The following GPC5 variants were observed in gnomAD, a reference collection of about 807,000 sequenced individuals.
GPC5 encodes the protein glypican 5.
GPC5 carries 47 observed loss-of-function variants against 53.9 expected under a neutral mutation model. The ratio of observed to expected loss-of-function variants is 0.87; its 90% CI spans 0.69 to 1.11. The LOEUF is 1.11. Ranked by LOEUF, GPC5 falls within the 50% of genes most tolerant of loss-of-function variation. The pLI, the probability that GPC5 is intolerant of heterozygous loss-of-function variation, is 0.00. For synonymous variants in GPC5, 286 were observed against 263.3 expected (o/e 1.09, Z -0.84); for missense variants, 748 against 713.1 (o/e 1.05, Z -0.56).
chr13:92,294,464 T>C lies in GPC5; in HGVS notation c.1561+149475T>C, dbSNP rs182842644. ...TTTCCAGGAATTTATCCATCTCTTC[T>C]AGGTTTTCTAGTTTATGCATGTAAA... On this transcript the variant is annotated intron_variant, in intron 7 of 7. Transcript: ENST00000377067. Among the ~76,000 whole-genome samples the C allele has an allele frequency of 1.3e-5, 2 of 152,338 alleles. 1 individual carries two copies. Among genetic ancestry groups the C allele is most frequent in the Admixed American group, 1.3e-4 (2 of 15,310 alleles).
At chr13:92,541,673 G>A (rs139797580) in intron 7 of GPC5, among the ~76,000 whole-genome samples, 269 of 151,724 alleles carry the variant, frequency 1.8e-3, no homozygotes, top group African/African-American at 6.3e-3. Context: ...AGTGTTTTTG[G>A]AGAATGTTCA....
intron 6 of GPC5, among the ~76,000 whole-genome samples, chr13:91,975,712 G>T (rs917074442): frequency 6.6e-6 from 1 of 152,140 alleles, no homozygotes; most frequent in Non-Finnish European, 1.5e-5. Flanking sequence ...AGTCAGTGTG[G>T]CGATTCCTCA....
chr13:91,877,112 C>T (rs1401534359), intron 5 of GPC5, among the ~76,000 whole-genome samples: 1 of 152,234 alleles, frequency 6.6e-6, no homozygotes, highest in African/African-American at 2.4e-5. Context: ...TGTTTGGAAA[C>T]TCCTGGATGC....
chr13:91,571,662 T>C (rs552607920), intron 2 of GPC5, among the ~76,000 whole-genome samples: 1 of 151,114 alleles, frequency 6.6e-6, no homozygotes, highest in East Asian at 2.0e-4. Flanking sequence ...GAGGTGGAAA[T>C]TGCAGTGAGC....
chr13:92,355,839 T>C (rs750416267), intron 7 of GPC5, among the ~76,000 whole-genome samples: 43 of 151,860 alleles, frequency 2.8e-4, no homozygotes, highest in Middle Eastern at 6.9e-3. Context: ...TCAATGAAAC[T>C]ATTATTTGAT....
chr13:91,633,920 G>GA (rs554400398), intron 2 of GPC5, among the ~76,000 whole-genome samples: 44 of 152,060 alleles, frequency 2.9e-4, no homozygotes, highest in African/African-American at 9.6e-4. Flanking sequence ...CTCATACTTA[G>GA]AGTAAATTAG....
chr13:91,886,080 A>G (rs1019701025), intron 5 of GPC5, among the ~76,000 whole-genome samples: 8 of 152,136 alleles, frequency 5.3e-5, no homozygotes, highest in Non-Finnish European at 8.8e-5. Context: ...ATAAAGAAAT[A>G]CCTGGGACTG....
intron 1 of GPC5, among the ~76,000 whole-genome samples, chr13:91,417,672 G>A (rs986598961): frequency 4.6e-5 from 7 of 152,178 alleles, no homozygotes; most frequent in Non-Finnish European, 7.3e-5. Context: ...TGTGCATCCA[G>A]TTAGCTGTCC....
At chr13:92,452,231 G>C (rs1013483672) in intron 7 of GPC5, among the ~76,000 whole-genome samples, 5 of 152,128 alleles carry the variant, frequency 3.3e-5, no homozygotes, top group Admixed American at 1.3e-4. Flanking sequence ...ATATGAAAGA[G>C]ACTGTGAACT....
chr13:92,322,636 A>G (rs137960663), intron 7 of GPC5, among the ~76,000 whole-genome samples: 1 of 152,162 alleles, frequency 6.6e-6, no homozygotes, highest in Non-Finnish European at 1.5e-5. Flanking sequence ...AATACTTATA[A>G]ATTTATTAAC....
At chr13:91,754,582 C>CTGAT (rs1335695333) in intron 4 of GPC5, among the ~76,000 whole-genome samples, 1 of 152,048 alleles carries the variant, frequency 6.6e-6, no homozygotes, top group East Asian at 1.9e-4. Flanking sequence ...CTAGAAGACT[C>CTGAT]TGATTCCGAA....
chr13:92,683,539 A>G (rs933966556), intron 7 of GPC5, among the ~76,000 whole-genome samples: 4 of 152,210 alleles, frequency 2.6e-5, no homozygotes, highest in Non-Finnish European at 5.9e-5. Context: ...GGACATCAGA[A>G]CTGATGAGGA....
At chr13:92,263,017 T>C (rs1348983055) in intron 7 of GPC5, among the ~76,000 whole-genome samples, 2 of 152,168 alleles carry the variant, frequency 1.3e-5, no homozygotes, top group East Asian at 1.9e-4. Context: ...GTCATAAAGA[T>C]GGAACACCTT....
At chr13:91,559,596 G>T (rs1038251788) in intron 2 of GPC5, among the ~76,000 whole-genome samples, 7 of 152,092 alleles carry the variant, frequency 4.6e-5, no homozygotes, top group Admixed American at 1.3e-4. Context: ...AATGAACTTG[G>T]AATGTGTACA....
At chr13:91,439,340 A>G (rs183530019) in intron 1 of GPC5, among the ~76,000 whole-genome samples, 1 of 152,374 alleles carries the variant, frequency 6.6e-6, no homozygotes, top group Admixed American at 6.5e-5. Flanking sequence ...CCTGAGAAAA[A>G]AAAGAATTAT....
intron 2 of GPC5, among the ~76,000 whole-genome samples, chr13:91,618,045 C>A (rs1384371548): frequency 6.6e-6 from 1 of 152,070 alleles, no homozygotes; most frequent in Non-Finnish European, 1.5e-5. Context: ...GTGGGTTGTA[C>A]ATAAACAGGA....
chr13:91,919,807 GA>G (rs1440923246), intron 6 of GPC5, among the ~76,000 whole-genome samples: 5 of 152,134 alleles, frequency 3.3e-5, no homozygotes, highest in Admixed American at 2.0e-4. Context: ...CCTAGAGAAG[GA>G]AATAGATAAA....
intron 5 of GPC5, among the ~76,000 whole-genome samples, chr13:91,870,589 C>A (rs1264973321): frequency 2.0e-5 from 3 of 152,138 alleles, no homozygotes; most frequent in Middle Eastern, 3.2e-3. Context: ...GAGTAAAGCA[C>A]CTTCAGGGAG....
intron 7 of GPC5, among the ~76,000 whole-genome samples, chr13:92,243,180 G>T (rs1236853759): frequency 6.6e-6 from 1 of 152,048 alleles, no homozygotes; most frequent in Admixed American, 6.6e-5. Context: ...AATTTCTGTT[G>T]CAACTCAAAA....
Sources: gnomAD v4.1 joint callset for allele counts (sites outside exome capture counted in the v4.1 genomes callset) on GRCh38, gnomAD v4.1.1 for gene constraint, MANE v1.5 for transcripts, NCBI Gene and HGNC (gene_info 2026-07-23, HGNC 2026-07-21) for gene names.